Variants in STK38L observed in about 807,000 individuals in gnomAD.
The protein encoded by STK38L is serine/threonine-protein kinase 38-like.
STK38L carries 28 observed loss-of-function variants against 59.7 expected under a neutral mutation model. The ratio of observed to expected loss-of-function variants is 0.47; its 90% CI spans 0.35 to 0.64. The LOEUF is 0.64. STK38L is among the 30% of genes least tolerant of loss of function. STK38L has a pLI of 0.01. For missense variants in STK38L, 314 were observed against 555.8 expected (o/e 0.56, Z 4.37); for synonymous variants, 162 against 176.8 (o/e 0.92, Z 0.66).
chr12:27,296,891 T>C (rs1284851154), intron 1 of STK38L: 6 of 152,244 alleles, frequency 3.9e-5, no homozygotes, highest in African/African-American at 7.2e-5. Flanking sequence ...GGTACTTTGT[T>C]TGCGTGGCCC....
intron 3 of STK38L, 80 bp downstream of exon 3, chr12:27,302,268 T>A: frequency 1.9e-6 from 2 of 1,069,970 alleles, no homozygotes; most frequent in Non-Finnish European, 2.7e-6. Context: ...ATTTTATAAC[T>A]TAAATAATGT....
intron 1 of STK38L, among the ~76,000 whole-genome samples, chr12:27,259,540 A>G (rs548509406): frequency 1.3e-5 from 2 of 152,230 alleles, no homozygotes; most frequent in South Asian, 4.1e-4. Context: ...CGTCATACCT[A>G]CCTCTCCAGG....
At chr12:27,298,538 T>G (rs1944086469) in intron 2 of STK38L, 1 of 152,198 alleles carries the variant, frequency 6.6e-6, no homozygotes, top group Non-Finnish European at 1.5e-5. Context: ...AATGACATGT[T>G]ATTTTGACTT....
At chr12:27,315,967 G>A (rs563235294) in intron 9 of STK38L, among the ~76,000 whole-genome samples, 1 of 152,092 alleles carries the variant, frequency 6.6e-6, no homozygotes, top group East Asian at 1.9e-4. Flanking sequence ...TGTTAACATG[G>A]TCCATCAACA....
chr12:27,252,087 C>G (rs1466613116), intron 1 of STK38L, among the ~76,000 whole-genome samples: 1 of 152,154 alleles, frequency 6.6e-6, no homozygotes, highest in Non-Finnish European at 1.5e-5. Context: ...TCACGCCATT[C>G]TCCTGCCTCA....
At chr12:27,292,647 C>T (rs897594253) in intron 1 of STK38L, among the ~76,000 whole-genome samples, 10 of 152,240 alleles carry the variant, frequency 6.6e-5, no homozygotes, top group South Asian at 2.1e-4. Flanking sequence ...CCAGGTACTG[C>T]GATGCTTTCA....
chr12:27,310,281 T>C (rs1944424501), intron 5 of STK38L, among the ~76,000 whole-genome samples: 1 of 152,076 alleles, frequency 6.6e-6, no homozygotes, highest in South Asian at 2.1e-4. Flanking sequence ...TAGAGAACTA[T>C]AGATAATGAT....
chr12:27,306,139 T>C (rs1172090165), intron 3 of STK38L, among the ~76,000 whole-genome samples: 1 of 152,184 alleles, frequency 6.6e-6, no homozygotes, highest in African/African-American at 2.4e-5. Context: ...GACTCTCTCT[T>C]TTTGCTATTA....
intron 1 of STK38L, among the ~76,000 whole-genome samples, chr12:27,276,078 GA>G (rs1296008406): frequency 2.0e-5 from 3 of 152,030 alleles, no homozygotes; most frequent in Non-Finnish European, 4.4e-5. Context: ...TTAGCTTTGA[GA>G]TTTTTTTTAA....
At chr12:27,285,724 G>T (rs959450909) in intron 1 of STK38L, among the ~76,000 whole-genome samples, 1 of 152,150 alleles carries the variant, frequency 6.6e-6, no homozygotes, top group Non-Finnish European at 1.5e-5. Context: ...ACATACCGAT[G>T]TTTTGAATCA....
chr12:27,274,842 A>G (rs751984838), intron 1 of STK38L, among the ~76,000 whole-genome samples: 3 of 152,150 alleles, frequency 2.0e-5, no homozygotes, highest in Non-Finnish European at 4.4e-5. Flanking sequence ...TCTACTTCCA[A>G]ACCCAAGAAG....
chr12:27,313,226 C>T lies in STK38L; in HGVS notation c.517+554C>T, dbSNP rs565845021. Among the ~76,000 whole-genome samples the T allele has an allele frequency of 5.4e-5, 7 of 129,624 alleles. No homozygotes were observed. The East Asian group carries it at 1.3e-3, about 24-fold the overall frequency. 85.0% of individuals were successfully genotyped at this position (129,624 alleles called of 152,430 possible). ...TAGCGCCACTGCAGTCCGGCCTGGG[C>T]GAAAACAGCGAGACTACGTCTCAAA... On this transcript the variant is annotated intron_variant, in intron 6 of 13. Coordinates refer to ENST00000389032, the MANE Select transcript of STK38L (RefSeq NM_015000.4).
intron 1 of STK38L, among the ~76,000 whole-genome samples, chr12:27,264,936 A>G (rs548321792): frequency 4.6e-5 from 7 of 152,320 alleles, no homozygotes; most frequent in Non-Finnish European, 2.9e-5. Flanking sequence ...AAATTCAGGT[A>G]TGCTACTCTT....
At position 27,319,345 on chromosome 12, in the gene STK38L, A is replaced by C. The variant is rs1357487141; in HGVS notation, c.1097A>C (p.Glu366Ala). Reference sequence around the variant, plus strand: ...TGTTGTAGATTTTGTATTGATTCTGAAAACAGAATTGGAAATAGTGGAGTA... The same window carrying C: ...TGTTGTAGATTTTGTATTGATTCTGCAAACAGAATTGGAAATAGTGGAGTA... ...DLILRFCIDSENRIGNSGVEE... is the reference protein window; with the variant it reads ...DLILRFCIDSANRIGNSGVEE... Residue 366 changes from glutamate to alanine, a missense_variant, in exon 12 of 14, where the codon GAA becomes GCA. Physicochemically the swap from Glu to Ala is moderately radical, Grantham distance 107. Coordinates refer to ENST00000389032, the MANE Select transcript of STK38L (RefSeq NM_015000.4). 2 of 1,611,488 alleles carry C rather than the reference A, an allele frequency of 1.2e-6. No homozygotes were observed. Among genetic ancestry groups the C allele is most frequent in the East Asian group, 2.2e-5 (1 of 44,794 alleles).
intron 1 of STK38L, among the ~76,000 whole-genome samples, chr12:27,254,869 CTTGG>C (rs1445912073): frequency 1.3e-5 from 2 of 152,194 alleles, no homozygotes; most frequent in African/African-American, 4.8e-5. Flanking sequence ...CCAGGTACCA[CTTGG>C]TAGGACCAGT....
chr12:27,294,508 A>G (rs1412344168), intron 1 of STK38L, among the ~76,000 whole-genome samples: 1 of 150,110 alleles, frequency 6.7e-6, no homozygotes, highest in Admixed American at 6.6e-5. Flanking sequence ...TTCTGTCAAA[A>G]AAAAAAAAAA....
At chr12:27,263,929 T>C (rs1172662937) in intron 1 of STK38L, among the ~76,000 whole-genome samples, 2 of 152,240 alleles carry the variant, frequency 1.3e-5, no homozygotes, top group Non-Finnish European at 2.9e-5. Context: ...GTGAAAAGTT[T>C]AGCAGAGGAG....
At chr12:27,306,519 C>T (rs999884829) in intron 3 of STK38L, among the ~76,000 whole-genome samples, 15 of 151,730 alleles carry the variant, frequency 9.9e-5, no homozygotes, top group African/African-American at 3.4e-4. Flanking sequence ...TTTTTGAACA[C>T]CTATGTGCAA....
intron 1 of STK38L, among the ~76,000 whole-genome samples, chr12:27,274,272 A>G (rs371304270): frequency 3.9e-4 from 60 of 152,090 alleles, no homozygotes; most frequent in African/African-American, 1.4e-3. Context: ...AGCTCAGATA[A>G]AAGACACTAT....
Sources: gnomAD v4.1 joint callset for allele counts (sites outside exome capture counted in the v4.1 genomes callset) on GRCh38, gnomAD v4.1.1 for gene constraint, MANE v1.5 for transcripts, NCBI Gene and HGNC (gene_info 2026-07-23, HGNC 2026-07-21) for gene names.